The following RET variants were observed in gnomAD, a reference collection of about 807,000 sequenced individuals.
RET encodes the protein ret proto-oncogene.
In RET, 19 loss-of-function variants were observed where a neutral mutation model predicts 118.3. The observed-to-expected ratio is 0.16, with a 90% CI of 0.11 to 0.24. The LOEUF is 0.24. Ranked by LOEUF, RET falls within the 10% of genes least tolerant of loss-of-function variation. RET has a pLI of 1.00. For synonymous variants in RET, 597 were observed against 644.1 expected, an observed-to-expected ratio of 0.93 and a Z score of 1.11; for missense variants, 1,219 against 1,502.1, an observed-to-expected ratio of 0.81 and a Z score of 3.12.
intron 1 of RET, among the ~76,000 whole-genome samples, chr10:43,099,778 C>T (rs1837596850): frequency 6.6e-6 from 1 of 152,186 alleles, no homozygotes; most frequent in African/African-American, 2.4e-5. Context: ...GCCATGTGCG[C>T]TCTTCTCTGC....
At chr10:43,092,761 C>T (rs1837437147) in intron 1 of RET, among the ~76,000 whole-genome samples, 1 of 152,196 alleles carries the variant, frequency 6.6e-6, no homozygotes, top group Non-Finnish European at 1.5e-5. Flanking sequence ...GTGGTTTTGT[C>T]CTCAGCCTCA....
In RET at chr10:43,077,200, T is replaced by C. The variant is rs2132496212; in HGVS notation, c.-59T>C. On this transcript the variant is annotated 5_prime_UTR_variant, in exon 1 of 20. Coordinates refer to ENST00000355710, the MANE Select transcript of RET (RefSeq NM_020975.6). ...GCCAGACTGAGCGCCGCACCCGCCA[T>C]CCAGACCCGCCGGCCCTAGCCGCAG... 2 of 1,443,834 alleles carry C rather than the reference T, an allele frequency of 1.4e-6. No homozygotes were observed. The highest frequency in any genetic ancestry group is 1.3e-5 in the South Asian group (1 of 74,788). The allele number at this position is 1,443,834 out of a possible 1,614,324, so 89.4% of individuals were successfully genotyped here.
chr10:43,089,092 C>G (rs1419558887), intron 1 of RET, among the ~76,000 whole-genome samples: 4 of 152,228 alleles, frequency 2.6e-5, no homozygotes, highest in Non-Finnish European at 5.9e-5. Context: ...GGGCAGCCCC[C>G]TTGGCCCCTC....
At position 43,109,132 on chromosome 10, in the gene RET, C is replaced by T. The variant is rs895556824; in HGVS notation, c.1165C>T (p.Leu389Phe). The T allele has an allele frequency of 6.8e-6, 11 of 1,613,808 alleles. No homozygotes were observed. The highest frequency in any genetic ancestry group is 8.5e-6 in the Non-Finnish European group (10 of 1,180,034). The change falls in exon 6 of 20, where the codon CTC becomes TTC. Residue 389 changes from leucine to phenylalanine, a missense_variant. Physicochemically the swap from Leu to Phe is conservative, Grantham distance 22. Transcript: ENST00000355710. Reference protein sequence around the residue: ...SDFQGPGAGVLLLHFNVSVLP... With the variant: ...SDFQGPGAGVFLLHFNVSVLP... ...CTTCCAGGGCCCAGGAGCGGGCGTC[C>T]TCTTGCTCCACTTCAACGTGTCGGT... is the stretch of plus-strand genomic sequence containing the variant.
chr10:43,113,452 G>T, intron 9 of RET, 104 bp from the exon 10 acceptor site: 1 of 1,361,938 alleles, frequency 7.3e-7, no homozygotes, highest in South Asian at 1.4e-5. Flanking sequence ...CTATGCTTGC[G>T]ACACCAGTTG....
chr10:43,114,688 G>A lies in RET; in HGVS notation c.2088G>A (p.Ser696=), dbSNP rs150329150. 2.3e-4 allele frequency: 376 copies of A among 1,612,050 alleles called. 4 individuals carry two copies. The Admixed American group carries it at 5.6e-3, about 24-fold the overall frequency. ...CCTCTTCCGGTGCCCGCCGGCCCTC[G>A]CTGGACTCCATGGAGAACCAGGTCT... ...SYSSSGARRP[S]LDSMENQVSV... The change falls in exon 11 of 20, where the codon TCG becomes TCA. Residue 696 remains serine, a synonymous_variant. Transcript: ENST00000355710. This position sits in a 1 kb window ranked among gnomAD's most constrained non-coding sequence, Gnocchi z 4.6.
chr10:43,106,469 G>A lies in RET; in HGVS notation c.961G>A (p.Gly321Arg), dbSNP rs377767388. 5.3e-5 allele frequency: 86 copies of A among 1,613,150 alleles called. No homozygotes were observed. The highest frequency in any genetic ancestry group is 1.8e-4 in the East Asian group (8 of 44,842). ...GCGGTACACAAGCACGCTGCTCCCC[G>A]GGGACACCTGGGCCCAGCAGACCTT... ...VRRYTSTLLP[G>R]DTWAQQTFRV... The change falls in exon 5 of 20, where the codon GGG becomes AGG. Residue 321 changes from glycine (G) to arginine (R), a missense_variant. Gly to Arg is a moderately radical substitution (Grantham distance 125, BLOSUM62 -2). Around this residue, in one of 5 missense-constraint regions of RET, gnomAD observed 850 missense variants for 969.6 expected, o/e 0.88. Coordinates refer to ENST00000355710, the MANE Select transcript of RET (RefSeq NM_020975.6). This position sits in a 1 kb window ranked among gnomAD's most constrained non-coding sequence, Gnocchi z 5.1.
At chr10:43,078,495 A>C (rs1223685333) in intron 1 of RET, among the ~76,000 whole-genome samples, 1 of 152,244 alleles carries the variant, frequency 6.6e-6, no homozygotes, top group African/African-American at 2.4e-5. Context: ...CAGTCCACCT[A>C]GCGAGGGACA....
At position 43,113,695 on chromosome 10, in the gene RET, G is replaced by A. The variant is rs779561398; in HGVS notation, c.1879+20G>A. 4.3e-6 allele frequency: 7 copies of A among 1,612,220 alleles called. No individual in the cohort carries two copies. Among genetic ancestry groups the A allele is most frequent in the African/African-American group, 2.7e-5 (2 of 75,024 alleles). On this transcript the variant is annotated intron_variant, in intron 10 of 19. Transcript: ENST00000355710. Reference sequence around the variant, plus strand: ...TCCAGGGTGAGTGGGTGGCGGCCGGGACCACCACCACCTCCCAGCCCCACA... The same window carrying A: ...TCCAGGGTGAGTGGGTGGCGGCCGGAACCACCACCACCTCCCAGCCCCACA...
chr10:43,120,604 A>G (rs1838193554), intron 15 of RET, among the ~76,000 whole-genome samples: 1 of 152,248 alleles, frequency 6.6e-6, no homozygotes, highest in Non-Finnish European at 1.5e-5. Flanking sequence ...GCAAAAAGGA[A>G]TGAACTGCTT....
rs1048457067 is a variant in RET, at chr10:43,120,328, C to G, written c.2730+125C>G. 30 of 1,348,708 alleles carry G rather than the reference C, an allele frequency of 2.2e-5. No homozygotes were observed. The African/African-American group carries it at 4.2e-4, about 19-fold the overall frequency. The allele number at this position is 1,348,708 out of a possible 1,614,324, so 83.5% of individuals were successfully genotyped here. On this transcript the variant is annotated intron_variant, in intron 15 of 19. Transcript: ENST00000355710. The stretch of plus-strand genomic sequence containing the variant: ...GTGGAGCTCTAAGCTTTTTATAGCC[C>G]TCACCCCAAATCTTTCTGACCCTGG...
chr10:43,096,395 A>T (rs1837523751), intron 1 of RET, among the ~76,000 whole-genome samples: 1 of 152,050 alleles, frequency 6.6e-6, no homozygotes, highest in Non-Finnish European at 1.5e-5. Flanking sequence ...CCCCCGAGAC[A>T]CAAAGCCTCA....
At chr10:43,081,141 G>A (rs1163236309) in intron 1 of RET, among the ~76,000 whole-genome samples, 3 of 151,994 alleles carry the variant, frequency 2.0e-5, no homozygotes, top group Non-Finnish European at 2.9e-5. Context: ...TCCTGCAGAG[G>A]CACTTCCTTT....
rs149238501 is a variant in RET at position 43,112,114 on chromosome 10, C to G, written c.1538C>G (p.Ala513Gly). The change falls in exon 8 of 20, where the codon GCG (alanine) becomes GGG (glycine). Residue 513 changes from alanine to glycine, a missense_variant. Ala to Gly is a moderately conservative substitution (Grantham distance 60). This residue lies in a region of RET where 850 missense variants were observed against 969.6 expected (regional missense o/e 0.88). Transcript: ENST00000355710. The stretch of plus-strand genomic sequence containing the variant: ...CCACCTGCAGATGTGGCCGAGGAGG[C>G]GGGCTGCCCCCTGTCCTGTGCAGTC... The part of the protein sequence containing the change: ...TVEGSYVAEE[A>G]GCPLSCAVSK... 60 of 1,601,756 alleles carry G rather than the reference C, an allele frequency of 3.7e-5. No homozygotes were observed. The highest frequency in any genetic ancestry group is 4.9e-5 in the Non-Finnish European group (58 of 1,174,404).
Position 43,105,016 on chromosome 10 carries a change from C to T in RET, c.690C>T (p.Asp230=), listed in dbSNP as rs1412727651. ...SLEVSTRWAL[D]REQREKYELV... is the part of the protein sequence containing the mutation. Reference sequence around the variant, plus strand: ...AGGTGAGCACGCGCTGGGCCCTGGACCGCGAGCAGCGGGAGAAGTACGAGC... The same window carrying T: ...AGGTGAGCACGCGCTGGGCCCTGGATCGCGAGCAGCGGGAGAAGTACGAGC... Residue 230 remains aspartate (D), a synonymous_variant, in exon 4 of 20, where the codon GAC becomes GAT. Transcript: ENST00000355710. 6.3e-7 allele frequency: 1 copy of T among 1,598,650 alleles called. No homozygotes were observed. The highest frequency in any genetic ancestry group is 1.7e-5 in the Admixed American group (1 of 59,112).
chr10:43,098,107 A>G (rs1189668284), intron 1 of RET, among the ~76,000 whole-genome samples: 1 of 152,206 alleles, frequency 6.6e-6, no homozygotes, highest in Non-Finnish European at 1.5e-5. Flanking sequence ...ATGATTTACA[A>G]TGTAACTATT....
At chr10:43,093,787 T>C (rs1043835204) in intron 1 of RET, among the ~76,000 whole-genome samples, 5 of 151,918 alleles carry the variant, frequency 3.3e-5, no homozygotes, top group Middle Eastern at 3.2e-3. Context: ...AGACCTTATG[T>C]AGAGTGGAGG....
At position 43,106,570 on chromosome 10, in the gene RET, T is replaced by C. The variant is rs1837785673; in HGVS notation, c.1062T>C (p.Tyr354=). 1 of 1,613,228 alleles carries C rather than the reference T, an allele frequency of 6.2e-7. No homozygotes were observed. The highest frequency in any genetic ancestry group is 1.1e-5 in the South Asian group (1 of 91,000). ...GSFVRATVHD[Y]RLVLNRNLSI... ...TCGTGCGGGCGACCGTACATGACTA[T>C]AGTAAGAGGGGCTGGTGGCACGGCC... Residue 354 remains tyrosine, a splice_region_variant and synonymous_variant, in exon 5 of 20, where the codon TAT becomes TAC. Coordinates refer to ENST00000355710, the MANE Select transcript of RET (RefSeq NM_020975.6). This position sits in a 1 kb window ranked among gnomAD's most constrained non-coding sequence, Gnocchi z 5.1.
intron 3 of RET, among the ~76,000 whole-genome samples, chr10:43,103,996 CTG>C (rs1837699856): frequency 6.6e-6 from 1 of 152,198 alleles, no homozygotes; most frequent in Non-Finnish European, 1.5e-5. Context: ...TCGTTGAAGA[CTG>C]TGTTGTGGTT....
Sources: gnomAD v4.1 joint callset for allele counts (sites outside exome capture counted in the v4.1 genomes callset) on GRCh38, gnomAD v4.1.1 for gene constraint, gnomAD v4.1.1 regional missense constraint, Gnocchi (gnomAD v3.1) non-coding constraint, MANE v1.5 for transcripts, NCBI Gene and HGNC (gene_info 2026-07-23, HGNC 2026-07-21) for gene names.